Variants in UNC13B observed in about 807,000 individuals in gnomAD.
The protein encoded by UNC13B is unc-13 homolog B.
In UNC13B, 144 loss-of-function variants were observed where a neutral mutation model predicts 211.0. The ratio of observed to expected loss-of-function variants is 0.68; its 90% CI spans 0.60 to 0.78. The LOEUF (loss-of-function observed/expected upper bound fraction) is 0.78, where lower values mean the gene tolerates loss of function less well. Among genes scored for constraint, UNC13B ranks in the 30% least tolerant of loss-of-function variants. The pLI, the probability that UNC13B is intolerant of heterozygous loss-of-function variation, is 0.00. For synonymous variants in UNC13B, 709 were observed against 725.8 expected (o/e 0.98, Z 0.37); for missense variants, 1,777 against 2,002.0 (o/e 0.89, Z 2.14).
chr9:35,310,517 G>T lies in UNC13B; in HGVS notation c.9059G>T (p.Ser3020Ile), dbSNP rs374242407. ...YGSSCNVSQG[S>I]SQLSELDQYH... is the part of the protein sequence containing the mutation. ...TCCTCCTGTAATGTGAGTCAAGGAA[G>T]CTCTCAGCTAAGTGAACTAGACCAG... Residue 3020 changes from serine to isoleucine, a missense_variant, in exon 10 of 40, where the codon AGC becomes ATC. By Grantham distance (142) the Ser-to-Ile change is moderately radical. Coordinates refer to ENST00000635942, the MANE Select transcript of UNC13B (RefSeq NM_001371189.2). 6.2e-7 allele frequency: 1 copy of T among 1,614,110 alleles called. No homozygotes were observed. Among genetic ancestry groups the T allele is most frequent in the Non-Finnish European group, 8.5e-7 (1 of 1,180,022 alleles).
intron 11 of UNC13B, among the ~76,000 whole-genome samples, chr9:35,322,528 G>T (rs1005963439): frequency 2.0e-5 from 3 of 152,148 alleles, no homozygotes; most frequent in Non-Finnish European, 4.4e-5. Flanking sequence ...GCAGTCTCAG[G>T]AGAGGTAGGA....
chr9:35,227,953 T>C, intron 1 of UNC13B, 62 bp from the exon 2 acceptor site: 1 of 1,470,592 alleles, frequency 6.8e-7, no homozygotes, highest in Non-Finnish European at 9.5e-7. Flanking sequence ...GCCTAATAAA[T>C]GTTGCTTAAG....
At chr9:35,297,070 T>C (rs552431251) in intron 8 of UNC13B, among the ~76,000 whole-genome samples, 2 of 151,628 alleles carry the variant, frequency 1.3e-5, no homozygotes, top group South Asian at 2.1e-4. Flanking sequence ...ATTACCTTGG[T>C]TTTTTGGTCT....
intron 1 of UNC13B, among the ~76,000 whole-genome samples, chr9:35,170,504 T>C (rs1821277625): frequency 2.0e-5 from 3 of 152,196 alleles, no homozygotes; most frequent in Admixed American, 1.3e-4. Flanking sequence ...GATCTTGCTC[T>C]GTTGCCCAGG....
At chr9:35,384,182 A>T (rs762864187) in intron 21 of UNC13B, 64 bp from the exon 22 acceptor site, 3 of 1,605,048 alleles carry the variant, frequency 1.9e-6, no homozygotes, top group Non-Finnish European at 2.6e-6. Context: ...TGTTTCTGTT[A>T]TAGTTTAGGG....
At chr9:35,398,339 C>A in intron 31 of UNC13B, 51 bp downstream of exon 31, 1 of 1,577,874 alleles carries the variant, frequency 6.3e-7, no homozygotes, top group Non-Finnish European at 8.7e-7. Flanking sequence ...TTCCTGAGCT[C>A]CTTGGCCATA....
At chr9:35,320,448 T>C (rs1056241132) in intron 11 of UNC13B, among the ~76,000 whole-genome samples, 4 of 152,256 alleles carry the variant, frequency 2.6e-5, no homozygotes, top group Non-Finnish European at 5.9e-5. Context: ...TTCTCTTTCC[T>C]AACCCATCAG....
At chr9:35,263,809 C>T (rs1827413798) in intron 7 of UNC13B, among the ~76,000 whole-genome samples, 1 of 152,106 alleles carries the variant, frequency 6.6e-6, no homozygotes, top group Middle Eastern at 3.2e-3. Flanking sequence ...TAGCAGAGCT[C>T]CATCCCTACC....
At chr9:35,343,542 T>A (rs1832153622) in intron 11 of UNC13B, among the ~76,000 whole-genome samples, 2 of 152,330 alleles carry the variant, frequency 1.3e-5, no homozygotes, top group East Asian at 1.9e-4. Flanking sequence ...GGGGCCTTGA[T>A]ACTTTGTTTT....
rs1836499553 is a variant in UNC13B, at chr9:35,403,766, G to A, written c.12756G>A (p.Glu4252=). Residue 4252 remains glutamate (E), a synonymous_variant, in exon 40 of 40, where the codon GAG becomes GAA. Coordinates refer to ENST00000635942, the MANE Select transcript of UNC13B (RefSeq NM_001371189.2). The part of the protein sequence containing the change: ...ETFHFLLGNE[E]GPESYELQIC... ...CTCACAGCCTCCTGGGAAATGAGGAGGGGCCCGAGTCCTATGAGTTGCAGA... is the reference window on the plus strand; with the variant it reads ...CTCACAGCCTCCTGGGAAATGAGGAAGGGCCCGAGTCCTATGAGTTGCAGA... The A allele has an allele frequency of 1.9e-6, 3 of 1,614,130 alleles. No individual in the cohort carries two copies. Among genetic ancestry groups the A allele is most frequent in the Non-Finnish European group, 2.5e-6 (3 of 1,180,016 alleles).
At chr9:35,240,494 C>G (rs187016744) in intron 5 of UNC13B, among the ~76,000 whole-genome samples, 13 of 152,178 alleles carry the variant, frequency 8.5e-5, no homozygotes, top group Non-Finnish European at 1.6e-4. Context: ...GACTGTAGAC[C>G]AAGCTGCAAG....
At chr9:35,186,179 G>A (rs773322629) in intron 1 of UNC13B, among the ~76,000 whole-genome samples, 4 of 152,042 alleles carry the variant, frequency 2.6e-5, no homozygotes, top group Admixed American at 1.3e-4. Context: ...ACCCTACTAG[G>A]TGTAGACCCT....
intron 37 of UNC13B, 42 bp downstream of exon 37, chr9:35,400,485 A>G: frequency 6.3e-7 from 1 of 1,592,014 alleles, no homozygotes; most frequent in Non-Finnish European, 8.6e-7. Context: ...CTCCTCTCTG[A>G]TACACATCTT....
At chr9:35,328,062 C>G (rs1305621843) in intron 11 of UNC13B, among the ~76,000 whole-genome samples, 1 of 152,110 alleles carries the variant, frequency 6.6e-6, no homozygotes, top group Admixed American at 6.5e-5. Flanking sequence ...ACTCTGTTGC[C>G]CAGGCTGTAG....
chr9:35,376,611 A>T (rs962537171), intron 15 of UNC13B, among the ~76,000 whole-genome samples: 1 of 152,218 alleles, frequency 6.6e-6, no homozygotes, highest in African/African-American at 2.4e-5. Flanking sequence ...GAGGAAAGAA[A>T]TAGAGTTTTG....
At chr9:35,377,757 G>A in intron 16 of UNC13B, 62 bp downstream of exon 16, 1 of 1,530,390 alleles carries the variant, frequency 6.5e-7, no homozygotes, top group East Asian at 2.3e-5. Context: ...GACTGGGGAA[G>A]AAACATCCTG....
intron 7 of UNC13B, among the ~76,000 whole-genome samples, chr9:35,282,235 A>G (rs1828537465): frequency 6.6e-6 from 1 of 152,154 alleles, no homozygotes; most frequent in Admixed American, 6.6e-5. Flanking sequence ...ACCACCCCAG[A>G]AAGCCTCCAT....
Position 35,404,125 on chromosome 9 carries a change from A to G in UNC13B, c.*92A>G. The G allele has an allele frequency of 6.7e-7, 1 of 1,495,314 alleles. No individual in the cohort carries two copies. Among genetic ancestry groups the G allele is most frequent in the Non-Finnish European group, 9.0e-7 (1 of 1,116,740 alleles). The allele number at this position is 1,495,314 out of a possible 1,614,324, so 92.6% of individuals were successfully genotyped here. A position where few individuals can be genotyped will look rare whatever the true frequency, so the allele number is the denominator to read the frequency against. On this transcript the variant is annotated 3_prime_UTR_variant, in exon 40 of 40. Transcript: ENST00000635942. ...TGTGTAACCGGCTTAGGGTCTTTGCAGTCAAGAGGCTGACCCCTTCAGTTA... is the reference window on the plus strand; with the variant it reads ...TGTGTAACCGGCTTAGGGTCTTTGCGGTCAAGAGGCTGACCCCTTCAGTTA...
intron 6 of UNC13B, among the ~76,000 whole-genome samples, chr9:35,254,204 T>A (rs575044821): frequency 8.5e-5 from 13 of 152,300 alleles, no homozygotes; most frequent in African/African-American, 3.1e-4. Flanking sequence ...AGGTGAGAAG[T>A]GCTATAGGGG....
Sources: allele counts gnomAD v4.1 joint callset (sites outside exome capture counted in the v4.1 genomes callset), GRCh38; gene constraint gnomAD v4.1.1; transcripts MANE v1.5; gene names NCBI Gene and HGNC (gene_info 2026-07-23, HGNC 2026-07-21).